DBX2: variants seen among roughly 807,000 people sequenced by gnomAD.
The protein encoded by DBX2 is developing brain homeobox 2.
DBX2 carries 16 observed loss-of-function variants against 17.7 expected under a neutral mutation model. The observed-to-expected ratio is 0.90, with a 90% confidence interval of 0.61 to 1.37. The LOEUF (loss-of-function observed/expected upper bound fraction) is 1.37, where lower values mean the gene tolerates loss of function less well. Among genes scored for constraint, DBX2 ranks in the 40% most tolerant of loss-of-function variants. The pLI is 0.00. For missense variants in DBX2, 538 were observed against 433.8 expected, an observed-to-expected ratio of 1.24 and a Z score of -2.13; for synonymous variants, 255 against 183.8, an observed-to-expected ratio of 1.39 and a Z score of -3.13.
At chr12:45,020,203 G>A (rs1363860363) in intron 3 of DBX2, among the ~76,000 whole-genome samples, 32 of 151,928 alleles carry the variant, frequency 2.1e-4, no homozygotes, top group Non-Finnish European at 4.4e-5. Context: ...TCTATTCCCT[G>A]TTTCCCCCAG....
chr12:45,016,639 C>A, intron 3 of DBX2, 21 bp from the exon 4 acceptor site: 2 of 1,512,112 alleles, frequency 1.3e-6, no homozygotes, highest in Non-Finnish European at 8.8e-7. Context: ...AATAATTGCA[C>A]AAAATGATCA....
chr12:45,028,501 G>A (rs1027926936), intron 2 of DBX2, among the ~76,000 whole-genome samples: 1 of 151,808 alleles, frequency 6.6e-6, no homozygotes, highest in Non-Finnish European at 1.5e-5. Context: ...AAAATAGCGG[G>A]GAAATAAAAC....
intron 1 of DBX2, among the ~76,000 whole-genome samples, chr12:45,042,443 G>T (rs562053278): frequency 2.6e-5 from 4 of 152,340 alleles, no homozygotes; most frequent in African/African-American, 9.6e-5. Context: ...AGAAAAGGTT[G>T]CAGGGACAAA....
At chr12:45,016,691 T>G (rs1946325666) in intron 3 of DBX2, 73 bp from the exon 4 acceptor site, 1 of 1,426,682 alleles carries the variant, frequency 7.0e-7, no homozygotes. Flanking sequence ...AAACTGTAAT[T>G]GCTTCTACTA....
At chr12:45,021,024 G>A (rs181243685) in intron 3 of DBX2, among the ~76,000 whole-genome samples, 63 of 151,902 alleles carry the variant, frequency 4.1e-4, no homozygotes, top group South Asian at 2.9e-3. Flanking sequence ...TAAATACCAC[G>A]TAATTGATAT....
intron 1 of DBX2, among the ~76,000 whole-genome samples, chr12:45,049,797 C>T (rs997964058): frequency 6.6e-6 from 1 of 152,126 alleles, no homozygotes; most frequent in Non-Finnish European, 1.5e-5. Flanking sequence ...TCCTTCTTCC[C>T]AGTCCCACTA....
chr12:45,026,747 A>G (rs954902625), intron 2 of DBX2, among the ~76,000 whole-genome samples: 5 of 152,186 alleles, frequency 3.3e-5, no homozygotes, highest in African/African-American at 1.2e-4. Flanking sequence ...CGAACGAATA[A>G]CTTCTCCCTC....
At chr12:45,047,045 T>C (rs1946504282) in intron 1 of DBX2, among the ~76,000 whole-genome samples, 1 of 152,216 alleles carries the variant, frequency 6.6e-6, no homozygotes, top group South Asian at 2.1e-4. Flanking sequence ...AAATAACAAA[T>C]GTTATTAATA....
intron 1 of DBX2, among the ~76,000 whole-genome samples, chr12:45,044,349 T>G (rs1946487883): frequency 1.3e-5 from 2 of 152,216 alleles, no homozygotes; most frequent in African/African-American, 4.8e-5. Flanking sequence ...CCTTTTTTAA[T>G]GTACATAAAT....
chr12:45,016,945 G>A (rs2731053), intron 3 of DBX2, among the ~76,000 whole-genome samples: 78,983 of 151,718 alleles, frequency 0.52, 21,095 homozygotes, highest in East Asian at 0.81. Context: ...CACCATAACC[G>A]GCTAATTTTT....
chr12:45,049,445 T>C (rs1946517346), intron 1 of DBX2, among the ~76,000 whole-genome samples: 4 of 152,326 alleles, frequency 2.6e-5, no homozygotes, highest in South Asian at 2.1e-4. Context: ...GAGACCGGTG[T>C]TCATATAGTT....
At chr12:45,036,225 T>A in intron 1 of DBX2, 111 bp from the exon 2 acceptor site, 2 of 958,110 alleles carry the variant, frequency 2.1e-6, no homozygotes, top group Non-Finnish European at 2.9e-6. Context: ...TTTTAATTTG[T>A]ATTGAAATTA....
At position 45,015,555 on chromosome 12, in the gene DBX2, G is replaced by T. The variant is rs938587781; in HGVS notation, c.*731C>A. Reference sequence around the variant, plus strand: ...TCTAGGCCCATCTTTACAGAGAAGAGATCAAAAAATAATTATTAGTTAAAT... The same window carrying T: ...TCTAGGCCCATCTTTACAGAGAAGATATCAAAAAATAATTATTAGTTAAAT... On this transcript the variant is annotated 3_prime_UTR_variant, in exon 4 of 4. Transcript: ENST00000332700. 6.6e-6 allele frequency: 1 copy of T among 152,156 alleles called. No individual in the cohort carries two copies. Among genetic ancestry groups the T allele is most frequent in the Non-Finnish European group, 1.5e-5 (1 of 68,042 alleles). 9.4% of individuals were successfully genotyped at this position (152,156 alleles called of 1,614,324 possible). A position where few individuals can be genotyped will look rare whatever the true frequency, so the allele number is the denominator to read the frequency against.
At chr12:45,035,183 T>A (rs1204083713) in intron 2 of DBX2, among the ~76,000 whole-genome samples, 1 of 152,222 alleles carries the variant, frequency 6.6e-6, no homozygotes, top group Admixed American at 6.5e-5. Flanking sequence ...GTGATGGGGT[T>A]CGGCACAAGA....
Position 45,042,408 on chromosome 12 carries a change from A to G in DBX2, c.404-6294T>C, listed in dbSNP as rs556893605. Among the ~76,000 whole-genome samples, 219 of 152,338 alleles carry G rather than the reference A, an allele frequency of 1.4e-3. 1 individual carries two copies. Among genetic ancestry groups the G allele is most frequent in the African/African-American group, 4.9e-3 (203 of 41,576 alleles). ...TTTGGAAAGTACTTGGAAGGGCAAAAGAAGAGAATGAAACCATTCCAAGAA... is the reference window on the plus strand; with the variant it reads ...TTTGGAAAGTACTTGGAAGGGCAAAGGAAGAGAATGAAACCATTCCAAGAA... On this transcript the variant is annotated intron_variant, in intron 1 of 3. Coordinates refer to ENST00000332700, the MANE Select transcript of DBX2 (RefSeq NM_001004329.3).
rs1946365249 is a variant in DBX2 at position 45,023,722 on chromosome 12, T to C, written c.672A>G (p.Gly224=). The change falls in exon 3 of 4, where the codon GGA becomes GGG. Residue 224 remains glycine, a synonymous_variant. Transcript: ENST00000332700. ...TDRKKLAINL[G]LKESQVKIWF... ...TTATTAGTACCTGTGATTCCTTTAG[T>C]CCCAAGTTGATGGCAAGTTTCTTTC... 6.2e-7 allele frequency: 1 copy of C among 1,614,164 alleles called. No homozygotes were observed. Among genetic ancestry groups the C allele is most frequent in the Non-Finnish European group, 8.5e-7 (1 of 1,180,026 alleles).
chr12:45,039,273 G>A (rs1321750876), intron 1 of DBX2, among the ~76,000 whole-genome samples: 5 of 98,862 alleles, frequency 5.1e-5, no homozygotes, highest in Non-Finnish European at 7.5e-5. Flanking sequence ...GCACTGCATT[G>A]AAGGTATATA....
In DBX2 at chr12:45,019,424, C is replaced by T. The variant is rs143090188; in HGVS notation, c.688-2806G>A. 1.1e-4 allele frequency among the ~76,000 whole-genome samples: 16 copies of T among 152,048 alleles called. No homozygotes were observed. The East Asian group carries it at 2.7e-3, about 26-fold the overall frequency. On this transcript the variant is annotated intron_variant, in intron 3 of 3. Coordinates refer to ENST00000332700, the MANE Select transcript of DBX2 (RefSeq NM_001004329.3). Reference sequence around the variant, plus strand: ...ATCGAAAAATAACAAATAGCATTGCCCATGAGAGTGGCAACATTTTTAAAA... The same window carrying T: ...ATCGAAAAATAACAAATAGCATTGCTCATGAGAGTGGCAACATTTTTAAAA...
intron 1 of DBX2, among the ~76,000 whole-genome samples, chr12:45,036,512 C>T (rs1465283967): frequency 6.6e-6 from 1 of 152,164 alleles, no homozygotes; most frequent in Non-Finnish European, 1.5e-5. Flanking sequence ...AGCTACTGTA[C>T]ACTTAAAATG....
Sources: gnomAD v4.1 joint callset for allele counts (sites outside exome capture counted in the v4.1 genomes callset) on GRCh38, gnomAD v4.1.1 for gene constraint, MANE v1.5 for transcripts, NCBI Gene and HGNC (gene_info 2026-07-23, HGNC 2026-07-21) for gene names.